NUFIP1: variants seen among roughly 807,000 people sequenced by gnomAD.
NUFIP1 encodes the protein FMR1-interacting protein NUFIP1.
A neutral mutation model predicts 56.2 loss-of-function variants in NUFIP1; 38 were observed. That is an observed-to-expected ratio of 0.68 (90% CI 0.52 to 0.89). NUFIP1 has a LOEUF of 0.89. Among genes scored for constraint, NUFIP1 ranks in the 40% least tolerant of loss-of-function variants. NUFIP1 has a pLI of 0.00. For missense variants in NUFIP1, 567 were observed against 605.8 expected, an observed-to-expected ratio of 0.94 and a Z score of 0.67; for synonymous variants, 215 against 212.4, an observed-to-expected ratio of 1.01 and a Z score of -0.10.
intron 7 of NUFIP1, among the ~76,000 whole-genome samples, chr13:44,957,585 ACT>A (rs1398021054): frequency 5.9e-5 from 9 of 152,222 alleles, no homozygotes; most frequent in Admixed American, 2.0e-4. Context: ...AGGATTTACC[ACT>A]GTTTCTCATG....
rs374408349 is a variant in NUFIP1, at chr13:44,945,432, C to T, written c.1139-1758G>A. ...ACTACTGAATTCTACAAACAAGAAA[C>T]AAAAAGAAAAACTGGTAGAAATCCT... is the stretch of plus-strand genomic sequence containing the variant. On this transcript the variant is annotated intron_variant, in intron 8 of 9. Coordinates refer to ENST00000379161, the MANE Select transcript of NUFIP1 (RefSeq NM_012345.3). Among the ~76,000 whole-genome samples the T allele has an allele frequency of 2.2e-3, 336 of 151,786 alleles. 1 individual carries two copies. The highest frequency in any genetic ancestry group is 7.7e-3 in the African/African-American group (321 of 41,472).
chr13:44,950,697 G>A (rs892258612), intron 7 of NUFIP1, among the ~76,000 whole-genome samples: 2 of 152,014 alleles, frequency 1.3e-5, no homozygotes, highest in South Asian at 2.1e-4. Context: ...AATAAACAAG[G>A]CAACCATGAG....
At position 44,939,531 on chromosome 13, in the gene NUFIP1, A is replaced by G. The variant is rs1870660478; in HGVS notation, c.*1675T>C. The G allele has an allele frequency of 6.6e-6, 1 of 152,136 alleles. No individual in the cohort carries two copies. Among genetic ancestry groups the G allele is most frequent in the Non-Finnish European group, 1.5e-5 (1 of 68,030 alleles). The allele number at this position is 152,136 out of a possible 1,614,324, so 9.4% of individuals were successfully genotyped here. On this transcript the variant is annotated 3_prime_UTR_variant, in exon 10 of 10. Coordinates refer to ENST00000379161, the MANE Select transcript of NUFIP1 (RefSeq NM_012345.3). ...AAACAGGCAAAGCACCCCTCTACCC[A>G]CCCAAAACTCATAGAATATTTACAA...
At chr13:44,987,768 C>G (rs1249039941) in intron 1 of NUFIP1, among the ~76,000 whole-genome samples, 1 of 152,160 alleles carries the variant, frequency 6.6e-6, no homozygotes, top group Non-Finnish European at 1.5e-5. Context: ...AACCGGTTTC[C>G]CTTTCAGTCA....
intron 1 of NUFIP1, among the ~76,000 whole-genome samples, chr13:44,985,529 CAAT>C (rs1872352548): frequency 6.6e-6 from 1 of 152,198 alleles, no homozygotes; most frequent in Non-Finnish European, 1.5e-5. Flanking sequence ...TTTCCAACAA[CAAT>C]GTGCTGTCTT....
chr13:44,981,602 G>A (rs997919253), intron 2 of NUFIP1, among the ~76,000 whole-genome samples: 1 of 152,082 alleles, frequency 6.6e-6, no homozygotes, highest in African/African-American at 2.4e-5. Context: ...CTTGAGGTCA[G>A]GAGTTCGAGA....
intron 1 of NUFIP1, among the ~76,000 whole-genome samples, chr13:44,984,833 A>G (rs1593372086): frequency 6.6e-6 from 1 of 151,990 alleles, no homozygotes; most frequent in Non-Finnish European, 1.5e-5. Flanking sequence ...AGCATTAGGT[A>G]TATCTCCTAA....
chr13:44,987,439 A>G (rs1044604664), intron 1 of NUFIP1, among the ~76,000 whole-genome samples: 9 of 152,212 alleles, frequency 5.9e-5, no homozygotes, highest in African/African-American at 1.7e-4. Flanking sequence ...TGCTCAGCCT[A>G]AAGTATTTTT....
At chr13:44,965,020 G>A (rs1277586586) in intron 6 of NUFIP1, among the ~76,000 whole-genome samples, 1 of 152,194 alleles carries the variant, frequency 6.6e-6, no homozygotes, top group Non-Finnish European at 1.5e-5. Context: ...TGGTTTGGTT[G>A]TGTCCCCACC....
intron 1 of NUFIP1, among the ~76,000 whole-genome samples, chr13:44,985,548 C>A (rs150066504): frequency 3.4e-4 from 52 of 152,300 alleles, no homozygotes; most frequent in African/African-American, 1.2e-3. Flanking sequence ...GTCTTTGTGT[C>A]ACATTTTGGT....
chr13:44,988,504 T>A (rs117648578), intron 1 of NUFIP1, among the ~76,000 whole-genome samples: 2,368 of 152,316 alleles, frequency 0.016, 22 homozygotes, highest in Non-Finnish European at 0.025. Context: ...TTCTTCTTTG[T>A]TTTATCTCTC....
chr13:44,983,037 T>C (rs769689825), intron 1 of NUFIP1, among the ~76,000 whole-genome samples: 3 of 152,140 alleles, frequency 2.0e-5, no homozygotes, highest in Non-Finnish European at 2.9e-5. Flanking sequence ...ATTCTTTGTA[T>C]AGAGATGGGG....
At chr13:44,968,968 CT>C (rs2137912800) in intron 5 of NUFIP1, among the ~76,000 whole-genome samples, 1 of 152,284 alleles carries the variant, frequency 6.6e-6, no homozygotes, top group South Asian at 2.1e-4. Context: ...CTAATTTTCT[CT>C]TTCAGGCAGA....
At chr13:44,974,385 G>A (rs1871899832) in intron 5 of NUFIP1, among the ~76,000 whole-genome samples, 1 of 152,144 alleles carries the variant, frequency 6.6e-6, no homozygotes, top group Admixed American at 6.5e-5. Context: ...GAAGATAAAA[G>A]AAAAACAAGG....
intron 6 of NUFIP1, among the ~76,000 whole-genome samples, chr13:44,964,971 G>A (rs1033491835): frequency 1.8e-4 from 27 of 152,294 alleles, no homozygotes; most frequent in African/African-American, 6.5e-4. Context: ...AAAAGTTCAA[G>A]AACATTTATA....
chr13:44,986,139 A>C (rs887099533), intron 1 of NUFIP1, among the ~76,000 whole-genome samples: 1 of 152,216 alleles, frequency 6.6e-6, no homozygotes, highest in Non-Finnish European at 1.5e-5. Context: ...CTTGAAAGAA[A>C]TCCACAGTGA....
At chr13:44,972,433 T>C (rs1464145953) in intron 5 of NUFIP1, among the ~76,000 whole-genome samples, 2 of 152,256 alleles carry the variant, frequency 1.3e-5, no homozygotes, top group Non-Finnish European at 1.5e-5. Flanking sequence ...TCCATTTATA[T>C]GATGTTGCTG....
intron 5 of NUFIP1, among the ~76,000 whole-genome samples, chr13:44,966,404 T>A (rs1232602114): frequency 1.3e-5 from 2 of 152,060 alleles, no homozygotes; most frequent in African/African-American, 4.8e-5. Context: ...AACCTCAGCC[T>A]CCTGGGTTCA....
At chr13:44,986,303 A>T (rs1872388752) in intron 1 of NUFIP1, among the ~76,000 whole-genome samples, 1 of 152,234 alleles carries the variant, frequency 6.6e-6, no homozygotes, top group Admixed American at 6.5e-5. Context: ...GTTTGAAAGA[A>T]GAAATTCCAA....
Sources: allele counts gnomAD v4.1 joint callset (sites outside exome capture counted in the v4.1 genomes callset), GRCh38; gene constraint gnomAD v4.1.1; transcripts MANE v1.5; gene names NCBI Gene and HGNC (gene_info 2026-07-23, HGNC 2026-07-21).